Variants in CACNA1A observed in about 807,000 individuals in gnomAD.
The protein encoded by CACNA1A is voltage-dependent P/Q-type calcium channel subunit alpha-1A.
Under a neutral mutation model 262.4 loss-of-function variants are expected in CACNA1A, and 57 were observed. That is an observed-to-expected ratio of 0.22 (90% CI 0.18 to 0.27). The LOEUF (loss-of-function observed/expected upper bound fraction) is 0.27, where lower values mean the gene tolerates loss of function less well. CACNA1A is among the 10% of genes least tolerant of loss of function. CACNA1A has a pLI of 1.00. For missense variants in CACNA1A, 2,526 were observed against 3,562.8 expected (o/e 0.71, Z 7.41); for synonymous variants, 1,431 against 1,419.3 (o/e 1.01, Z -0.18).
intron 1 of CACNA1A, among the ~76,000 whole-genome samples, chr19:13,490,995 A>AGGAG (rs1980807606): frequency 6.6e-6 from 1 of 151,626 alleles, no homozygotes; most frequent in South Asian, 2.1e-4. Flanking sequence ...GAAAGGAAGA[A>AGGAG]GGAAGGAAGA....
intron 3 of CACNA1A, among the ~76,000 whole-genome samples, chr19:13,430,518 G>A (rs1039611103): frequency 6.6e-6 from 1 of 152,148 alleles, no homozygotes; most frequent in Non-Finnish European, 1.5e-5. Context: ...AGACAAGCAG[G>A]TCAGGAGGAG....
intron 15 of CACNA1A, among the ~76,000 whole-genome samples, chr19:13,307,073 C>G (rs1453094690): frequency 6.6e-6 from 1 of 151,948 alleles, no homozygotes; most frequent in Non-Finnish European, 1.5e-5. Flanking sequence ...AGCAATCCTT[C>G]CACTTCAGCT....
chr19:13,208,657 G>C, intron 46 of CACNA1A, 99 bp downstream of exon 46: 5 of 1,387,602 alleles, frequency 3.6e-6, no homozygotes, highest in Non-Finnish European at 4.8e-6. Flanking sequence ...CCGGGATCCG[G>C]GGACCTTTGC....
chr19:13,368,995 G>A (rs2059269280), intron 4 of CACNA1A, among the ~76,000 whole-genome samples: 1 of 133,048 alleles, frequency 7.5e-6, no homozygotes, highest in Non-Finnish European at 1.5e-5. Context: ...CCGAGATCTC[G>A]CCACTGCACT....
chr19:13,234,794 C>T (rs1183823832), intron 34 of CACNA1A, 127 bp downstream of exon 34: 13 of 696,380 alleles, frequency 1.9e-5, no homozygotes, highest in Non-Finnish European at 2.6e-6. Context: ...GCGCCCCTGC[C>T]AGAAGAGAAG....
chr19:13,462,218 G>A (rs867951012), intron 1 of CACNA1A, among the ~76,000 whole-genome samples: 8 of 152,134 alleles, frequency 5.3e-5, no homozygotes, highest in Middle Eastern at 3.2e-3. Flanking sequence ...TGGTTGGTGC[G>A]GAAATCAAAT....
In CACNA1A at chr19:13,308,469, A is replaced by G; in HGVS notation, c.1728T>C (p.Phe576=). 1 of 1,613,678 alleles carries G rather than the reference A, an allele frequency of 6.2e-7. No individual in the cohort carries two copies. Among genetic ancestry groups the G allele is most frequent in the East Asian group, 2.2e-5 (1 of 44,886 alleles). The change falls in exon 13 of 47, where the codon TTT becomes TTC. Residue 576 remains phenylalanine (F), a synonymous_variant. Transcript: ENST00000360228. This position sits in a 1 kb window ranked among gnomAD's most constrained non-coding sequence, Gnocchi z 4.2. ...IWAVIKPGTS[F]GISVLRALRL... is the part of the protein sequence containing the mutation. ...TGAGGGCTCGTAACACGCTGATTCCAAAGGATGTGCCAGGTTTTATGACAG... is the reference window on the plus strand; with the variant it reads ...TGAGGGCTCGTAACACGCTGATTCCGAAGGATGTGCCAGGTTTTATGACAG...
At chr19:13,307,039 T>G (rs1439240001) in intron 15 of CACNA1A, among the ~76,000 whole-genome samples, 1 of 151,640 alleles carries the variant, frequency 6.6e-6, no homozygotes. Flanking sequence ...TGTAGCTTAC[T>G]GCAGCCTCAA....
chr19:13,417,521 G>C (rs906833849), intron 3 of CACNA1A, among the ~76,000 whole-genome samples: 5 of 152,144 alleles, frequency 3.3e-5, no homozygotes, highest in Non-Finnish European at 5.9e-5. Context: ...GTAGAGCTCT[G>C]CCTGTTTATG....
At chr19:13,439,172 G>T (rs899536358) in intron 3 of CACNA1A, among the ~76,000 whole-genome samples, 2 of 145,890 alleles carry the variant, frequency 1.4e-5, no homozygotes, top group African/African-American at 2.6e-5. Flanking sequence ...GCAGTGGTGC[G>T]ATCTTGGCTT....
intron 3 of CACNA1A, among the ~76,000 whole-genome samples, chr19:13,424,753 G>T (rs369926694): frequency 6.6e-6 from 1 of 151,952 alleles, no homozygotes; most frequent in South Asian, 2.1e-4. Context: ...GAGATGACAG[G>T]CATAAGTCAT....
chr19:13,308,286 G>A lies in CACNA1A; in HGVS notation c.1782-35C>T. 1 of 1,597,558 alleles carries A rather than the reference G, an allele frequency of 6.3e-7. No homozygotes were observed. Among genetic ancestry groups the A allele is most frequent in the East Asian group, 2.2e-5 (1 of 44,576 alleles). On this transcript the variant is annotated intron_variant, in intron 13 of 46. Transcript: ENST00000360228. This position sits in a 1 kb window ranked among gnomAD's most constrained non-coding sequence, Gnocchi z 4.2. ...GAGGCCAGGCGAGGACTCAGGCCAG[G>A]CGGGGGAGGCAGGGCCCCGGAGTCA...
chr19:13,220,339 G>A (rs149443792), intron 38 of CACNA1A, among the ~76,000 whole-genome samples: 58 of 152,254 alleles, frequency 3.8e-4, no homozygotes, highest in African/African-American at 1.4e-3. Context: ...AATCAGGTGA[G>A]CCCTTGAAAA....
At chr19:13,420,798 T>C (rs8101888) in intron 3 of CACNA1A, among the ~76,000 whole-genome samples, 51,439 of 151,780 alleles carry the variant, frequency 0.34, 8,935 homozygotes, top group East Asian at 0.41. Flanking sequence ...GATTTAATAC[T>C]TCAGTTAATT....
intron 3 of CACNA1A, among the ~76,000 whole-genome samples, chr19:13,430,300 G>A (rs775246424): frequency 5.3e-5 from 8 of 151,944 alleles, no homozygotes; most frequent in Non-Finnish European, 8.8e-5. Context: ...TCCACCTCCC[G>A]GGTTCAAGCG....
chr19:13,348,814 G>A (rs1249902625), intron 6 of CACNA1A, among the ~76,000 whole-genome samples: 2 of 151,868 alleles, frequency 1.3e-5, no homozygotes, highest in Non-Finnish European at 2.9e-5. Flanking sequence ...CCAGCCTGGC[G>A]ACAGAGCAAG....
At chr19:13,446,917 C>T (rs2060826711) in intron 3 of CACNA1A, among the ~76,000 whole-genome samples, 1 of 152,150 alleles carries the variant, frequency 6.6e-6, no homozygotes, top group Non-Finnish European at 1.5e-5. Context: ...TTTCCCCTCC[C>T]TGTTCCTAGC....
chr19:13,428,802 G>A (rs1052036325), intron 3 of CACNA1A, among the ~76,000 whole-genome samples: 2 of 151,924 alleles, frequency 1.3e-5, no homozygotes, highest in East Asian at 3.9e-4. Context: ...CGTAGACCCC[G>A]AGAGCCCTCA....
intron 1 of CACNA1A, among the ~76,000 whole-genome samples, chr19:13,462,119 C>G (rs1370630017): frequency 6.6e-6 from 1 of 152,182 alleles, no homozygotes; most frequent in Non-Finnish European, 1.5e-5. Context: ...GCTGATGGTT[C>G]CCATCCCTTA....
Sources: gnomAD v4.1 joint callset for allele counts (sites outside exome capture counted in the v4.1 genomes callset) on GRCh38, gnomAD v4.1.1 for gene constraint, Gnocchi (gnomAD v3.1) non-coding constraint, MANE v1.5 for transcripts, NCBI Gene and HGNC (gene_info 2026-07-23, HGNC 2026-07-21) for gene names.